Variants in HDAC9 observed in about 807,000 individuals in gnomAD.
HDAC9 encodes histone deacetylase 9.
HDAC9 carries 41 observed loss-of-function variants against 139.4 expected under a neutral mutation model. The observed-to-expected ratio is 0.29, with a 90% CI of 0.23 to 0.38. The LOEUF is 0.38. Ranked by LOEUF, HDAC9 falls within the 10% of genes least tolerant of loss-of-function variation. The probability of loss-of-function intolerance (pLI) is 1.00; values close to 1 mark genes in which losing one functional copy is unlikely to be tolerated. For missense variants in HDAC9, 1,147 were observed against 1,297.0 expected, an observed-to-expected ratio of 0.88 and a Z score of 1.78; for synonymous variants, 517 against 476.2, an observed-to-expected ratio of 1.09 and a Z score of -1.12.
intron 1 of HDAC9, among the ~76,000 whole-genome samples, chr7:18,438,120 A>AAAAT (rs149912901): frequency 0.048 from 7,267 of 150,978 alleles, 292 homozygotes; most frequent in African/African-American, 0.11. Flanking sequence ...TTATATATTA[A>AAAAT]AAATAAATAG....
chr7:18,504,005 A>C lies in HDAC9; in HGVS notation c.22+7681A>C, dbSNP rs561416577. ...AAGTAAATTTCACTGAGTTTTCATTAAATGACATCATAGCTTGGGAGTTCT... is the reference window on the plus strand; with the variant it reads ...AAGTAAATTTCACTGAGTTTTCATTCAATGACATCATAGCTTGGGAGTTCT... On this transcript the variant is annotated intron_variant, in intron 2 of 25. Coordinates refer to ENST00000686413, the MANE Select transcript of HDAC9 (RefSeq NM_178425.4). Among the ~76,000 whole-genome samples, 22 of 152,334 alleles carry C rather than the reference A, an allele frequency of 1.4e-4. No individual in the cohort carries two copies. The East Asian group carries it at 1.7e-3, about 12-fold the overall frequency.
At chr7:18,632,536 G>C (rs4719536) in intron 7 of HDAC9, among the ~76,000 whole-genome samples, 8 of 152,044 alleles carry the variant, frequency 5.3e-5, no homozygotes, top group Non-Finnish European at 1.2e-4. Flanking sequence ...CAATGAAATG[G>C]AAAGAAAGGA....
rs567043260 is a variant in HDAC9, at chr7:18,308,700, CAT to C, written c.-42+18196_-42+18197del. On this transcript the variant is annotated intron_variant, in intron 1 of 3. Transcript: ENST00000413509. The stretch of plus-strand genomic sequence containing the variant: ...CTATATTAAGCAAGGATATAAGTTA[CAT>C]ATATATATATGTGTGTACGTGTGTA... 4.7e-3 allele frequency among the ~76,000 whole-genome samples: 715 copies of C among 151,694 alleles called. 5 individuals carry two copies. The highest frequency in any genetic ancestry group is 0.016 in the African/African-American group (657 of 41,400).
chr7:18,717,401 T>C (rs1784781968), intron 12 of HDAC9, among the ~76,000 whole-genome samples: 1 of 151,924 alleles, frequency 6.6e-6, no homozygotes, highest in South Asian at 2.1e-4. Context: ...CACTTCACCT[T>C]CCACCTCTTA....
chr7:18,894,939 TG>T (rs1801039838), intron 22 of HDAC9, among the ~76,000 whole-genome samples: 1 of 151,988 alleles, frequency 6.6e-6, no homozygotes, highest in African/African-American at 2.4e-5. Flanking sequence ...ATGGGTGTAA[TG>T]GTGGGAGATA....
intron 1 of HDAC9, among the ~76,000 whole-genome samples, chr7:18,446,113 A>G (rs943725111): frequency 4.6e-5 from 7 of 152,238 alleles, no homozygotes; most frequent in Non-Finnish European, 1.0e-4. Flanking sequence ...CAAAGAGGAT[A>G]ATGTGCAGAG....
At chr7:18,329,747 C>G (rs1198298103) in intron 1 of HDAC9, among the ~76,000 whole-genome samples, 1 of 151,656 alleles carries the variant, frequency 6.6e-6, no homozygotes, top group Non-Finnish European at 1.5e-5. Context: ...TTGAAGCCTT[C>G]TGTTTCTTTC....
chr7:18,347,434 A>G (rs945752184), intron 1 of HDAC9, among the ~76,000 whole-genome samples: 1 of 152,160 alleles, frequency 6.6e-6, no homozygotes, highest in African/African-American at 2.4e-5. Context: ...TTAATACTAG[A>G]ACATCCTTAC....
intron 2 of HDAC9, among the ~76,000 whole-genome samples, chr7:18,201,133 T>C (rs1485660217): frequency 2.0e-5 from 3 of 152,120 alleles, no homozygotes. Context: ...AGAACGGGTC[T>C]CTGCAAGTCT....
chr7:18,718,887 A>G (rs1475778840), intron 12 of HDAC9, among the ~76,000 whole-genome samples: 1 of 152,196 alleles, frequency 6.6e-6, no homozygotes, highest in Non-Finnish European at 1.5e-5. Context: ...CACCCCCACC[A>G]GCAGTGTATG....
chr7:18,213,598 A>G (rs1476879499), intron 2 of HDAC9, among the ~76,000 whole-genome samples: 3 of 152,166 alleles, frequency 2.0e-5, no homozygotes, highest in Non-Finnish European at 4.4e-5. Context: ...AGTCACTGAT[A>G]TTGGCTGAAT....
chr7:18,620,846 C>T (rs1398732548), intron 6 of HDAC9, among the ~76,000 whole-genome samples: 2 of 151,864 alleles, frequency 1.3e-5, no homozygotes, highest in African/African-American at 4.8e-5. Context: ...TTTTTTTTCC[C>T]GATATGTAAA....
intron 1 of HDAC9, among the ~76,000 whole-genome samples, chr7:18,094,740 G>T (rs1232844680): frequency 6.6e-6 from 1 of 152,074 alleles, no homozygotes; most frequent in African/African-American, 2.4e-5. Flanking sequence ...ACAAATGTGA[G>T]CCACCGTGCC....
chr7:18,728,286 G>C (rs1394897256), intron 13 of HDAC9, among the ~76,000 whole-genome samples: 3 of 151,788 alleles, frequency 2.0e-5, no homozygotes, highest in Non-Finnish European at 4.4e-5. Context: ...GGAATCTCTG[G>C]GTGGGCTTTT....
intron 23 of HDAC9, among the ~76,000 whole-genome samples, chr7:18,941,452 A>G (rs1433315170): frequency 1.3e-5 from 2 of 151,848 alleles, no homozygotes; most frequent in African/African-American, 2.4e-5. Flanking sequence ...CCTGAGGTGA[A>G]CTCTTGAGAT....
intron 12 of HDAC9, among the ~76,000 whole-genome samples, chr7:18,682,972 C>G (rs922564834): frequency 6.6e-6 from 1 of 151,926 alleles, no homozygotes; most frequent in African/African-American, 2.4e-5. Context: ...TAGAGGGAGA[C>G]TCTGCCTCAA....
intron 1 of HDAC9, among the ~76,000 whole-genome samples, chr7:18,125,432 C>CGTGTGT (rs10647409): frequency 1.4e-4 from 20 of 142,648 alleles, no homozygotes; most frequent in Non-Finnish European, 2.4e-4. Flanking sequence ...TATATATATG[C>CGTGTGT]GTGTGTGTGT....
At chr7:18,431,267 T>C (rs1790633639) in intron 1 of HDAC9, among the ~76,000 whole-genome samples, 1 of 152,194 alleles carries the variant, frequency 6.6e-6, no homozygotes, top group Non-Finnish European at 1.5e-5. Context: ...AATAATATAT[T>C]AAATGTTAAA....
At chr7:18,172,150 A>G (rs1043992161) in intron 2 of HDAC9, among the ~76,000 whole-genome samples, 1 of 152,118 alleles carries the variant, frequency 6.6e-6, no homozygotes, top group Admixed American at 6.5e-5. Context: ...CAGAGGTTCA[A>G]CTTCTTCCTT....
Sources: gnomAD v4.1 joint callset for allele counts (sites outside exome capture counted in the v4.1 genomes callset) on GRCh38, gnomAD v4.1.1 for gene constraint, MANE v1.5 for transcripts, NCBI Gene and HGNC (gene_info 2026-07-23, HGNC 2026-07-21) for gene names.